ST14: variants seen among roughly 807,000 people sequenced by gnomAD.
ST14 encodes the protein ST14 transmembrane serine protease matriptase.
Under a neutral mutation model 96.5 loss-of-function variants are expected in ST14, and 40 were observed. The ratio of observed to expected loss-of-function variants is 0.41; its 90% CI spans 0.32 to 0.54. The LOEUF (loss-of-function observed/expected upper bound fraction) is 0.54. ST14 is among the 20% of genes least tolerant of loss of function. The pLI is 0.17. For missense variants in ST14, 1,066 were observed against 1,188.9 expected (o/e 0.90, Z 1.52); for synonymous variants, 506 against 492.1 (o/e 1.03, Z -0.37).
chr11:130,191,523 C>G (rs1306851908), intron 7 of ST14, among the ~76,000 whole-genome samples: 1 of 151,930 alleles, frequency 6.6e-6, no homozygotes, highest in African/African-American at 2.4e-5. Context: ...AACCCTGTCT[C>G]TACTAAAAAT....
intron 1 of ST14, among the ~76,000 whole-genome samples, chr11:130,179,979 C>T (rs745594176): frequency 5.3e-5 from 8 of 152,206 alleles, no homozygotes; most frequent in Non-Finnish European, 1.0e-4. Flanking sequence ...TGCAGGTGCT[C>T]GGGCTCTACT....
At position 130,159,891 on chromosome 11, in the gene ST14, T is replaced by C; in HGVS notation, c.-89T>C. On this transcript the variant is annotated 5_prime_UTR_variant, in exon 1 of 19. Coordinates refer to ENST00000278742, the MANE Select transcript of ST14 (RefSeq NM_021978.4). ...TGGGCCTGCCCGGAATCCCGCCGCC[T>C]GCGCCCCGCGCCCCGCGCCCTGCGG... The C allele has an allele frequency of 1.3e-6, 1 of 793,802 alleles. No homozygotes were observed. 49.2% of individuals were successfully genotyped at this position (793,802 alleles called of 1,614,324 possible). A position where few individuals can be genotyped will look rare whatever the true frequency, so the allele number is the denominator to read the frequency against.
chr11:130,204,206 G>T (rs942507446), intron 16 of ST14, among the ~76,000 whole-genome samples: 25 of 152,214 alleles, frequency 1.6e-4, no homozygotes, highest in African/African-American at 6.0e-4. Context: ...GATGCCCAGA[G>T]ATTGTTGAGT....
At chr11:130,202,275 G>A (rs1440893384) in intron 16 of ST14, among the ~76,000 whole-genome samples, 3 of 152,160 alleles carry the variant, frequency 2.0e-5, no homozygotes, top group Non-Finnish European at 4.4e-5. Flanking sequence ...AACGAGTAGT[G>A]CAATTAATCT....
intron 15 of ST14, 25 bp from the exon 16 acceptor site, chr11:130,199,926 C>T: frequency 1.2e-6 from 2 of 1,613,922 alleles, no homozygotes; most frequent in Non-Finnish European, 1.7e-6. Context: ...ACTTGCTGTC[C>T]TCTGGTTCTC....
At position 130,188,468 on chromosome 11, in the gene ST14, G is replaced by C; in HGVS notation, c.242-62G>C. On this transcript the variant is annotated intron_variant, in intron 2 of 18. Transcript: ENST00000278742. This position sits in a 1 kb window ranked among gnomAD's most constrained non-coding sequence, Gnocchi z 5.4. ...CTGGCATTCATTCCCCATTGTGGAC[G>C]GCGAGGGACAGGCGGGGGTGGTACC... 6.2e-7 allele frequency: 1 copy of C among 1,611,272 alleles called. No homozygotes were observed. The highest frequency in any genetic ancestry group is 8.5e-7 in the Non-Finnish European group (1 of 1,179,586).
At position 130,198,574 on chromosome 11, in the gene ST14, G is replaced by A. The variant is rs1381046592; in HGVS notation, c.1637G>A (p.Gly546Glu). 1.2e-6 allele frequency: 2 copies of A among 1,614,002 alleles called. No homozygotes were observed. Among genetic ancestry groups the A allele is most frequent in the Non-Finnish European group, 8.5e-7 (1 of 1,180,040 alleles). The change falls in exon 14 of 19, where the codon GGG (glycine) becomes GAG (glutamate). Residue 546 changes from glycine (G) to glutamate (E), a missense_variant. Physicochemically the swap from Gly to Glu is moderately conservative, Grantham distance 98. Coordinates refer to ENST00000278742, the MANE Select transcript of ST14 (RefSeq NM_021978.4). ...CTCTCGAAAAGCCAGCAGTGCAATG[G>A]GAAGGACGACTGTGGGGACGGGTCC... ...KCLSKSQQCN[G>E]KDDCGDGSDE...
chr11:130,181,638 T>A lies in ST14; in HGVS notation c.82-6476T>A, dbSNP rs1045856955. 1.3e-5 allele frequency among the ~76,000 whole-genome samples: 2 copies of A among 152,010 alleles called. No homozygotes were observed. Among genetic ancestry groups the A allele is most frequent in the African/African-American group, 4.8e-5 (2 of 41,392 alleles). On this transcript the variant is annotated intron_variant, in intron 1 of 18. Transcript: ENST00000278742. This position sits in a 1 kb window ranked among gnomAD's most constrained non-coding sequence, Gnocchi z 4.1. ...AAGTGGATGGGAGTTCCCTGAGACC[T>A]CCCCCTCCCACCTCCCCCACCCAGG...
At chr11:130,198,485 G>T (rs761496789) in intron 13 of ST14, 23 bp from the exon 14 acceptor site, 2 of 1,613,246 alleles carry the variant, frequency 1.2e-6, no homozygotes, top group Middle Eastern at 1.6e-4. Context: ...GCTCCTGGTG[G>T]CTGAGTCCTG....
intron 16 of ST14, among the ~76,000 whole-genome samples, chr11:130,202,272 A>C (rs966043060): frequency 1.3e-5 from 2 of 152,174 alleles, no homozygotes; most frequent in African/African-American, 4.8e-5. Context: ...GCCAACGAGT[A>C]GTGCAATTAA....
chr11:130,199,316 G>A (rs1953403830), intron 15 of ST14, among the ~76,000 whole-genome samples: 2 of 152,236 alleles, frequency 1.3e-5, no homozygotes, highest in Admixed American at 6.5e-5. Context: ...TAGCATGGCG[G>A]GGTCGTGGCT....
intron 15 of ST14, 66 bp from the exon 16 acceptor site, chr11:130,199,885 T>C: frequency 6.3e-7 from 1 of 1,597,044 alleles, no homozygotes; most frequent in Non-Finnish European, 8.6e-7. Context: ...ACACACTGCA[T>C]GTCCCCTTGT....
chr11:130,167,516 C>T (rs563080544), intron 1 of ST14, among the ~76,000 whole-genome samples: 1 of 152,224 alleles, frequency 6.6e-6, no homozygotes, highest in Middle Eastern at 3.4e-3. Context: ...ATCACTAATT[C>T]CACTCTGCAG....
At chr11:130,186,699 T>A (rs1953241040) in intron 1 of ST14, among the ~76,000 whole-genome samples, 2 of 152,292 alleles carry the variant, frequency 1.3e-5, no homozygotes, top group Middle Eastern at 3.4e-3. Context: ...TAATTTTTTT[T>A]AAACTCTGGG....
intron 12 of ST14, 95 bp from the exon 13 acceptor site, chr11:130,198,213 A>G (rs1404119070): frequency 8.1e-7 from 1 of 1,235,880 alleles, no homozygotes; most frequent in Non-Finnish European, 1.2e-6. Context: ...TGTAGATCAG[A>G]AAGCGGTCCC....
intron 1 of ST14, among the ~76,000 whole-genome samples, chr11:130,174,339 C>T (rs996518449): frequency 5.3e-5 from 8 of 152,158 alleles, no homozygotes; most frequent in Non-Finnish European, 8.8e-5. Flanking sequence ...TTCTTACAGC[C>T]GCTAGGCTTC....
chr11:130,187,938 G>A lies in ST14; in HGVS notation c.82-176G>A, dbSNP rs1953252518. 1.3e-5 allele frequency among the ~76,000 whole-genome samples: 2 copies of A among 152,316 alleles called. No homozygotes were observed. Among genetic ancestry groups the A allele is most frequent in the East Asian group, 1.9e-4 (1 of 5,170 alleles). On this transcript the variant is annotated intron_variant, in intron 1 of 18. Transcript: ENST00000278742. This position sits in a 1 kb window ranked among gnomAD's most constrained non-coding sequence, Gnocchi z 4.5. ...AGAGCATGCCCAGGGTTCATGTCCC[G>A]GGGTCTGCGCTCTGGGCAGTGGTCC...
rs1173339408 is a variant in ST14 at position 130,194,298 on chromosome 11, G to A, written c.1015+10G>A. ...CTGCCTAGGATGAGCAGTAAGGAAG[G>A]GCAGGGCAGGGCGGGACTGCCCTCG... On this transcript the variant is annotated intron_variant, in intron 8 of 18. Coordinates refer to ENST00000278742, the MANE Select transcript of ST14 (RefSeq NM_021978.4). 1.2e-6 allele frequency: 2 copies of A among 1,614,106 alleles called. No homozygotes were observed. The highest frequency in any genetic ancestry group is 1.7e-5 in the Admixed American group (1 of 60,028).
At position 130,189,831 on chromosome 11, in the gene ST14, T is replaced by C. The variant is rs1240168485; in HGVS notation, c.533T>C (p.Val178Ala). 3 of 1,613,818 alleles carry C rather than the reference T, an allele frequency of 1.9e-6. No homozygotes were observed. Among genetic ancestry groups the C allele is most frequent in the Non-Finnish European group, 2.5e-6 (3 of 1,179,944 alleles). Reference protein sequence around the residue: ...EAERVMAEERVVMLPPRARSL... With the variant: ...EAERVMAEERAVMLPPRARSL... ...GAGCGCGTCATGGCCGAGGAGCGCG[T>C]AGTCATGCTGCCCCCGCGGGCGCGC... is the stretch of plus-strand genomic sequence containing the variant. The change falls in exon 5 of 19, where the codon GTA becomes GCA. Residue 178 changes from valine (V) to alanine (A), a missense_variant. By Grantham distance (64) the Val-to-Ala change is moderately conservative (BLOSUM62 0). Transcript: ENST00000278742.
Sources: gnomAD v4.1 joint callset for allele counts (sites outside exome capture counted in the v4.1 genomes callset) on GRCh38, gnomAD v4.1.1 for gene constraint, Gnocchi (gnomAD v3.1) non-coding constraint, MANE v1.5 for transcripts, NCBI Gene and HGNC (gene_info 2026-07-23, HGNC 2026-07-21) for gene names.